Variants in CEACAM6 observed in about 807,000 individuals in gnomAD.
CEACAM6 encodes cell adhesion molecule CEACAM6.
In CEACAM6, 21 loss-of-function variants were observed where a neutral mutation model predicts 32.4. The ratio of observed to expected loss-of-function variants is 0.65; its 90% CI spans 0.46 to 0.93. The LOEUF (loss-of-function observed/expected upper bound fraction) is 0.93. CEACAM6 is among the 40% of genes least tolerant of loss of function. The pLI is 0.00. For missense variants in CEACAM6, 406 were observed against 432.2 expected, an observed-to-expected ratio of 0.94 and a Z score of 0.54; for synonymous variants, 184 against 174.4, an observed-to-expected ratio of 1.06 and a Z score of -0.43.
intron 3 of CEACAM6, 72 bp downstream of exon 3, chr19:41,761,599 A>C (rs1447447748): frequency 6.3e-7 from 1 of 1,588,960 alleles, no homozygotes; most frequent in East Asian, 2.2e-5. Context: ...CAGGTCTCTC[A>C]GTCCCTCTCA....
chr19:41,756,712 C>T lies in CEACAM6; in HGVS notation c.177C>T (p.Pro59=). 6.2e-7 allele frequency: 1 copy of T among 1,614,080 alleles called. No homozygotes were observed. The highest frequency in any genetic ancestry group is 2.2e-5 in the East Asian group (1 of 44,886). Reference sequence around the variant, plus strand: ...TTCTTCTACTCGCCCACAACCTGCCCCAGAATCGTATTGGTTACAGCTGGT... The same window carrying T: ...TTCTTCTACTCGCCCACAACCTGCCTCAGAATCGTATTGGTTACAGCTGGT... ...KEVLLLAHNL[P]QNRIGYSWYK... Residue 59 remains proline, a synonymous_variant, in exon 2 of 6, where the codon CCC becomes CCT. Coordinates refer to ENST00000199764, the MANE Select transcript of CEACAM6 (RefSeq NM_002483.7).
At chr19:41,766,346 C>T (rs1175563634) in intron 5 of CEACAM6, 47 bp downstream of exon 5, 3 of 1,007,602 alleles carry the variant, frequency 3.0e-6, no homozygotes, top group Non-Finnish European at 4.3e-6. Context: ...GGCTGACCAC[C>T]ATGCTTGGGA....
intron 2 of CEACAM6, among the ~76,000 whole-genome samples, chr19:41,759,641 A>G (rs967578690): frequency 1.3e-5 from 2 of 152,208 alleles, no homozygotes; most frequent in Non-Finnish European, 1.5e-5. Context: ...TGGAATTCAC[A>G]GCACACCTAA....
At chr19:41,760,790 A>T (rs2072917952) in intron 2 of CEACAM6, among the ~76,000 whole-genome samples, 1 of 152,184 alleles carries the variant, frequency 6.6e-6, no homozygotes, top group African/African-American at 2.4e-5. Flanking sequence ...TAAGGACAAT[A>T]AGAAGTCCCA....
At chr19:41,756,270 AG>A (rs2072884367) in intron 1 of CEACAM6, among the ~76,000 whole-genome samples, 1 of 152,164 alleles carries the variant, frequency 6.6e-6, no homozygotes, top group Non-Finnish European at 1.5e-5. Flanking sequence ...GAAAAGACCC[AG>A]GGTCTGTAGA....
At chr19:41,764,859 T>C (rs1283365264) in intron 4 of CEACAM6, among the ~76,000 whole-genome samples, 1 of 152,240 alleles carries the variant, frequency 6.6e-6, no homozygotes, top group East Asian at 1.9e-4. Flanking sequence ...AATGTAAGTA[T>C]TTACCACTAT....
At chr19:41,755,767 G>A in intron 1 of CEACAM6, 65 bp downstream of exon 1, 1 of 1,410,796 alleles carries the variant, frequency 7.1e-7, no homozygotes, top group Non-Finnish European at 9.7e-7. Context: ...AGGGTCTCCT[G>A]GGGAGGACAA....
At chr19:41,757,073 G>T in intron 2 of CEACAM6, 114 bp downstream of exon 2, 1 of 1,503,252 alleles carries the variant, frequency 6.7e-7, no homozygotes, top group Non-Finnish European at 8.9e-7. Flanking sequence ...CCTGTATCAG[G>T]GTTTGGACAT....
rs61736638 is a variant in CEACAM6 at position 41,756,789 on chromosome 19, G to A, written c.254G>A (p.Gly85Glu). 7,580 of 1,613,966 alleles carry A rather than the reference G, an allele frequency of 4.7e-3. 276 individuals are homozygous for A. In the African/African-American group the frequency reaches 0.085, roughly 18 times the overall value. The part of the protein sequence containing the change: ...GNSLIVGYVI[G>E]TQQATPGPAY... Reference sequence around the variant, plus strand: ...AGTCTAATTGTAGGATATGTAATAGGAACTCAACAAGCTACCCCAGGGCCC... The same window carrying A: ...AGTCTAATTGTAGGATATGTAATAGAAACTCAACAAGCTACCCCAGGGCCC... Residue 85 changes from glycine to glutamate, a missense_variant, in exon 2 of 6, where the codon GGA becomes GAA. Transcript: ENST00000199764.
intron 4 of CEACAM6, among the ~76,000 whole-genome samples, chr19:41,765,379 A>C (rs2072950185): frequency 6.6e-6 from 1 of 152,222 alleles, no homozygotes; most frequent in Non-Finnish European, 1.5e-5. Context: ...CACCAAATGG[A>C]AACTCACTAG....
chr19:41,768,687 C>T (rs1555822632), intron 5 of CEACAM6, among the ~76,000 whole-genome samples: 2 of 151,648 alleles, frequency 1.3e-5, no homozygotes, highest in Admixed American at 6.6e-5. Flanking sequence ...CGGGCAGAGG[C>T]GCCCCTCACC....
intron 2 of CEACAM6, among the ~76,000 whole-genome samples, 190 bp from the exon 3 acceptor site, chr19:41,761,059 A>G (rs78812191): frequency 0.021 from 3,261 of 152,302 alleles, 129 homozygotes; most frequent in African/African-American, 0.075. Context: ...TCTCCCACAC[A>G]GAGCAGGTGA....
At chr19:41,764,272 A>T (rs1358343575) in intron 4 of CEACAM6, among the ~76,000 whole-genome samples, 1 of 152,058 alleles carries the variant, frequency 6.6e-6, no homozygotes, top group African/African-American at 2.4e-5. Flanking sequence ...TTTCTGTAGA[A>T]TTGGTAGCAA....
At chr19:41,757,940 G>T (rs568491602) in intron 2 of CEACAM6, 1 of 152,280 alleles carries the variant, frequency 6.6e-6, no homozygotes, top group East Asian at 1.9e-4. Flanking sequence ...GACATATGAG[G>T]TCTGTCTGCA....
rs149583724 is a variant in CEACAM6, at chr19:41,756,657, C to T, written c.122C>T (p.Thr41Met). 8.8e-4 allele frequency: 1,420 copies of T among 1,614,110 alleles called. 1 individual carries two copies. Among genetic ancestry groups the T allele is most frequent in the Non-Finnish European group, 1.1e-3 (1,316 of 1,180,018 alleles). ...PTTAKLTIES[T>M]PFNVAEGKEV... is the part of the protein sequence containing the mutation. ...ACTGCCAAGCTCACTATTGAATCCA[C>T]GCCGTTCAATGTCGCAGAGGGGAAG... The change falls in exon 2 of 6, where the codon ACG (threonine) becomes ATG (methionine). Residue 41 changes from threonine to methionine, a missense_variant. Coordinates refer to ENST00000199764, the MANE Select transcript of CEACAM6 (RefSeq NM_002483.7).
rs2072930627 is a variant in CEACAM6 at position 41,762,235 on chromosome 19, C to G, written c.958+12C>G. 1.9e-6 allele frequency: 3 copies of G among 1,610,230 alleles called. No homozygotes were observed. The highest frequency in any genetic ancestry group is 1.7e-5 in the Admixed American group (1 of 59,824). On this transcript the variant is annotated intron_variant, in intron 4 of 5. Transcript: ENST00000199764. ...GATCACAGTCTCTGGTAAGTGGATC[C>G]ATGAAGCACTAGCATCACATTTTCA...
chr19:41,764,689 T>G (rs1190947804), intron 4 of CEACAM6, among the ~76,000 whole-genome samples: 2 of 152,230 alleles, frequency 1.3e-5, no homozygotes, highest in African/African-American at 4.8e-5. Context: ...GAACCAACTT[T>G]TGGTTTCATT....
At chr19:41,756,531 C>T in intron 1 of CEACAM6, 69 bp from the exon 2 acceptor site, 3 of 1,559,792 alleles carry the variant, frequency 1.9e-6, no homozygotes, top group Non-Finnish European at 2.6e-6. Flanking sequence ...TGCTCAGGAC[C>T]CAGGGCCCTG....
chr19:41,760,713 G>C (rs782451716), intron 2 of CEACAM6, among the ~76,000 whole-genome samples: 2 of 152,162 alleles, frequency 1.3e-5, no homozygotes, highest in Non-Finnish European at 2.9e-5. Context: ...CTTGCCCCTG[G>C]TGTCCCCTGT....
Sources: gnomAD v4.1 joint callset for allele counts (sites outside exome capture counted in the v4.1 genomes callset) on GRCh38, gnomAD v4.1.1 for gene constraint, MANE v1.5 for transcripts, NCBI Gene and HGNC (gene_info 2026-07-23, HGNC 2026-07-21) for gene names.